The following PCDHGA5 variants were observed in gnomAD, a reference collection of about 807,000 sequenced individuals.
PCDHGA5 encodes the protein protocadherin gamma-A5.
PCDHGA5 carries 36 observed loss-of-function variants against 56.7 expected under a neutral mutation model. The observed-to-expected ratio is 0.64, with a 90% confidence interval of 0.49 to 0.84. The LOEUF is 0.84. Ranked by LOEUF, PCDHGA5 falls within the 40% of genes least tolerant of loss-of-function variation. The probability of loss-of-function intolerance (pLI) is 0.00; values close to 1 mark genes in which losing one functional copy is unlikely to be tolerated. For missense variants in PCDHGA5, 1,305 were observed against 1,201.5 expected (o/e 1.09, Z -1.27); for synonymous variants, 563 against 520.2 (o/e 1.08, Z -1.12).
chr5:141,495,103 C>T (rs1383918796), intron 2 of PCDHGA5, among the ~76,000 whole-genome samples: 2 of 152,132 alleles, frequency 1.3e-5, no homozygotes, highest in Non-Finnish European at 2.9e-5. Context: ...TCGCCACGAC[C>T]GGCACCTTTT....
chr5:141,393,892 C>A lies in PCDHGA5; in HGVS notation c.2421+27141C>A, dbSNP rs775134910. The A allele has an allele frequency of 1.2e-5, 19 of 1,613,856 alleles. No homozygotes were observed. Among genetic ancestry groups the A allele is most frequent in the Admixed American group, 6.7e-5 (4 of 60,000 alleles). ...TTGTTTAGCCCAGTGTTAGAAAATT[C>A]TCTTCCCGGGACAGTAATTGCCTTC... On this transcript the variant is annotated intron_variant, in intron 1 of 3. Transcript: ENST00000518069.
At chr5:141,404,319 C>T in intron 1 of PCDHGA5, 3 of 1,613,900 alleles carry the variant, frequency 1.9e-6, no homozygotes, top group East Asian at 4.5e-5. Context: ...TCTCAAGCCT[C>T]CTACTCAGTC....
chr5:141,494,736 T>A, intron 1 of PCDHGA5, 71 bp from the exon 2 acceptor site: 2 of 1,611,858 alleles, frequency 1.2e-6, no homozygotes, highest in Non-Finnish European at 1.7e-6. Flanking sequence ...TCCCGGCCCA[T>A]CCCTAGGGGC....
intron 1 of PCDHGA5, chr5:141,416,811 A>C (rs1355425793): frequency 2.6e-5 from 4 of 152,188 alleles, no homozygotes; most frequent in Non-Finnish European, 5.9e-5. Context: ...AAAGTCAAAA[A>C]GCATTCCGAA....
chr5:141,389,622 G>C, intron 1 of PCDHGA5: 1 of 1,612,970 alleles, frequency 6.2e-7, no homozygotes, highest in South Asian at 1.1e-5. Context: ...GCCGCACGCT[G>C]CAGAGCCTGG....
chr5:141,404,710 C>A (rs772390810), intron 1 of PCDHGA5: 1 of 1,614,014 alleles, frequency 6.2e-7, no homozygotes, highest in African/African-American at 1.3e-5. Flanking sequence ...AGCCTGGCTA[C>A]CTGGTGACCA....
rs1030573273 is a variant in PCDHGA5, at chr5:141,373,834, G to T, written c.2421+7083G>T. On this transcript the variant is annotated intron_variant, in intron 1 of 3. Coordinates refer to ENST00000518069, the MANE Select transcript of PCDHGA5 (RefSeq NM_018918.3). Reference sequence around the variant, plus strand: ...GTTTCACAAAACGATGCAGTATTAAGTTAGGACTCTAAGCGTCGCTGTTGA... The same window carrying T: ...GTTTCACAAAACGATGCAGTATTAATTTAGGACTCTAAGCGTCGCTGTTGA... The T allele has an allele frequency of 1.2e-5, 5 of 424,566 alleles. No individual in the cohort carries two copies. In the East Asian group the frequency reaches 1.8e-4, roughly 15 times the overall value. The allele number at this position is 424,566 out of a possible 1,614,324, so 26.3% of individuals were successfully genotyped here. A position where few individuals can be genotyped will look rare whatever the true frequency, so the allele number is the denominator to read the frequency against.
At chr5:141,510,674 GGCAT>G (rs1388331907) in intron 3 of PCDHGA5, among the ~76,000 whole-genome samples, 6 of 152,132 alleles carry the variant, frequency 3.9e-5, no homozygotes, top group Non-Finnish European at 8.8e-5. Flanking sequence ...AAACTGAAGT[GGCAT>G]AAGGAGGTTA....
intron 1 of PCDHGA5, chr5:141,423,333 C>T (rs761192305): frequency 3.1e-6 from 5 of 1,614,184 alleles, no homozygotes; most frequent in Non-Finnish European, 4.2e-6. Context: ...CCGCAGTCTC[C>T]TGCATCTTCC....
chr5:141,461,778 C>CA (rs1280703059), intron 1 of PCDHGA5, among the ~76,000 whole-genome samples: 6 of 152,052 alleles, frequency 3.9e-5, no homozygotes, highest in Non-Finnish European at 7.4e-5. Context: ...CTCAGCCTCC[C>CA]AAGTAGCTGG....
At chr5:141,374,798 A>T in intron 1 of PCDHGA5, 1 of 1,613,784 alleles carries the variant, frequency 6.2e-7, no homozygotes, top group Non-Finnish European at 8.5e-7. Flanking sequence ...GAATGACAAC[A>T]CTCCAATGTT....
At chr5:141,375,106 T>A (rs1771135818) in intron 1 of PCDHGA5, 2 of 1,613,952 alleles carry the variant, frequency 1.2e-6, no homozygotes, top group East Asian at 4.5e-5. Context: ...TGGATGTCAA[T>A]GATAATGTAC....
chr5:141,370,342 AT>A lies in PCDHGA5; in HGVS notation c.2421+3594del, dbSNP rs1766823822. ...TCCTGCTCGGAGAACTCTTGGGATTATTTAAAGATCTCCTCTCCTCGGATTT... is the reference window on the plus strand; with the variant it reads ...TCCTGCTCGGAGAACTCTTGGGATTATTAAAGATCTCCTCTCCTCGGATTT... On this transcript the variant is annotated intron_variant, in intron 1 of 3. Coordinates refer to ENST00000518069, the MANE Select transcript of PCDHGA5 (RefSeq NM_018918.3). 37 of 1,476,030 alleles carry A rather than the reference AT, an allele frequency of 2.5e-5. 2 individuals carry two copies. The South Asian group carries it at 5.1e-4, about 20-fold the overall frequency. The allele number at this position is 1,476,030 out of a possible 1,614,324, so 91.4% of individuals were successfully genotyped here. A position where few individuals can be genotyped will look rare whatever the true frequency, so the allele number is the denominator to read the frequency against.
intron 1 of PCDHGA5, among the ~76,000 whole-genome samples, chr5:141,467,854 T>C (rs1337373000): frequency 6.6e-6 from 1 of 151,968 alleles, no homozygotes; most frequent in Admixed American, 6.6e-5. Flanking sequence ...GAATGAGATT[T>C]CACCATGTTG....
rs1168799961 is a variant in PCDHGA5, at chr5:141,487,844, A to G, written c.2422-6963A>G. ...CGGGTCATGCCTATATCTGAGTAAG[A>G]AATGAAAGTAATTGGTGATCAAGAG... On this transcript the variant is annotated intron_variant, in intron 1 of 3. Coordinates refer to ENST00000518069, the MANE Select transcript of PCDHGA5 (RefSeq NM_018918.3). The surrounding 1 kb of genome is among the most constrained non-coding windows in gnomAD (Gnocchi z 5.0). 2 of 1,043,076 alleles carry G rather than the reference A, an allele frequency of 1.9e-6. No homozygotes were observed. Among genetic ancestry groups the G allele is most frequent in the Non-Finnish European group, 2.7e-6 (2 of 730,916 alleles). The allele number at this position is 1,043,076 out of a possible 1,614,324, so 64.6% of individuals were successfully genotyped here.
intron 1 of PCDHGA5, among the ~76,000 whole-genome samples, chr5:141,407,684 G>C (rs2094967978): frequency 6.6e-6 from 1 of 152,094 alleles, no homozygotes; most frequent in South Asian, 2.1e-4. Flanking sequence ...GATTGGCTTT[G>C]TGGTGATCAT....
At chr5:141,446,128 G>T (rs1242643475) in intron 1 of PCDHGA5, among the ~76,000 whole-genome samples, 1 of 152,188 alleles carries the variant, frequency 6.6e-6, no homozygotes, top group Admixed American at 6.5e-5. Context: ...GGTTCAATAA[G>T]ACTTAATAAT....
At chr5:141,484,102 A>T (rs1404220648) in intron 1 of PCDHGA5, among the ~76,000 whole-genome samples, 1 of 152,206 alleles carries the variant, frequency 6.6e-6, no homozygotes, top group African/African-American at 2.4e-5. Flanking sequence ...GTTGGTAATT[A>T]ACAAAAGATC....
In PCDHGA5 at chr5:141,511,223, A is replaced by G. The variant is rs1193308928; in HGVS notation, c.*50A>G. On this transcript the variant is annotated 3_prime_UTR_variant, in exon 4 of 4. Transcript: ENST00000518069. ...AGGGCGGCCTCTCCCCAACCAGCCC[A>G]GCTTCTCCTTACCTGCACCCAGGCC... 1 of 1,604,390 alleles carries G rather than the reference A, an allele frequency of 6.2e-7. No individual in the cohort carries two copies.
Sources: gnomAD v4.1 joint callset for allele counts (sites outside exome capture counted in the v4.1 genomes callset) on GRCh38, gnomAD v4.1.1 for gene constraint, Gnocchi (gnomAD v3.1) non-coding constraint, MANE v1.5 for transcripts, NCBI Gene and HGNC (gene_info 2026-07-23, HGNC 2026-07-21) for gene names.